The following FRY variants were observed in gnomAD, a reference collection of about 807,000 sequenced individuals.
FRY encodes protein furry homolog.
FRY carries 128 observed loss-of-function variants against 348.4 expected under a neutral mutation model. That is an observed-to-expected ratio of 0.37 (90% CI 0.32 to 0.43). FRY has a LOEUF of 0.43. Ranked by LOEUF, FRY falls within the 20% of genes least tolerant of loss-of-function variation. FRY has a pLI of 1.00. For synonymous variants in FRY, 1,370 were observed against 1,374.7 expected, an observed-to-expected ratio of 1.00 and a Z score of 0.08; for missense variants, 2,736 against 3,695.2, an observed-to-expected ratio of 0.74 and a Z score of 6.73.
intron 13 of FRY, among the ~76,000 whole-genome samples, chr13:32,148,309 C>T (rs2138833268): frequency 1.3e-5 from 2 of 152,126 alleles, no homozygotes; most frequent in South Asian, 4.2e-4. Flanking sequence ...GTCTGGCGTT[C>T]AGAGAAAACC....
At chr13:32,184,856 A>G in intron 25 of FRY, 120 bp from the exon 26 acceptor site, 5 of 1,041,262 alleles carry the variant, frequency 4.8e-6, no homozygotes, top group Non-Finnish European at 6.0e-6. Context: ...TTTACACTGC[A>G]TATAGGTTAG....
At chr13:32,162,594 C>T (rs536110846) in intron 17 of FRY, among the ~76,000 whole-genome samples, 24 of 152,266 alleles carry the variant, frequency 1.6e-4, no homozygotes, top group East Asian at 5.8e-4. Flanking sequence ...CAGCCACTCC[C>T]TTCCTCCTTC....
intron 41 of FRY, 63 bp downstream of exon 41, chr13:32,231,363 A>G (rs1290979419): frequency 3.9e-6 from 6 of 1,541,646 alleles, no homozygotes; most frequent in African/African-American, 2.7e-5. Flanking sequence ...CACTGTCTCT[A>G]TATGATGATT....
chr13:32,055,014 G>A (rs75044184), intron 1 of FRY, among the ~76,000 whole-genome samples: 4,629 of 152,224 alleles, frequency 0.03, 80 homozygotes, highest in Non-Finnish European at 0.038. Flanking sequence ...TTACCAGCTA[G>A]AGAGCTCTGT....
chr13:32,161,753 C>T, intron 17 of FRY, among the ~76,000 whole-genome samples: 1 of 152,202 alleles, frequency 6.6e-6, no homozygotes. Flanking sequence ...GACAAGAATG[C>T]AGGTCGTGGA....
rs745528224 is a variant in FRY, at chr13:32,274,968, A to G, written c.8263A>G (p.Thr2755Ala). 5.0e-6 allele frequency: 8 copies of G among 1,613,844 alleles called. No individual in the cohort carries two copies. The South Asian group carries it at 6.6e-5, about 13-fold the overall frequency. ...GCTCACCTCCTGCTCTGAATGTCCT[A>G]CACTTTTTGTGGATGCCGAGACTGT... ...QMLTSCSECP[T>A]LFVDAETLLS... The change falls in exon 56 of 61, where the codon ACA becomes GCA. Residue 2755 changes from threonine to alanine, a missense_variant. Around this residue, in one of 9 missense-constraint regions of FRY, gnomAD observed 789 missense variants for 996.2 expected, o/e 0.79. Transcript: ENST00000542859.
At chr13:32,179,343 A>ACTG (rs1384905036) in intron 22 of FRY, among the ~76,000 whole-genome samples, 1 of 152,162 alleles carries the variant, frequency 6.6e-6, no homozygotes, top group African/African-American at 2.4e-5. Context: ...TTCACTCCTC[A>ACTG]CTGAGTATTC....
intron 22 of FRY, among the ~76,000 whole-genome samples, chr13:32,179,262 C>A (rs1882550919): frequency 6.6e-6 from 1 of 152,052 alleles, no homozygotes; most frequent in Non-Finnish European, 1.5e-5. Context: ...CTGCTTAAGA[C>A]CATAGAGTGA....
chr13:32,228,918 A>T, intron 40 of FRY, among the ~76,000 whole-genome samples: 1 of 152,336 alleles, frequency 6.6e-6, no homozygotes, highest in African/African-American at 2.4e-5. Flanking sequence ...GATAATGATG[A>T]TGCAGCAGAT....
intron 1 of FRY, among the ~76,000 whole-genome samples, chr13:32,063,858 G>T (rs1204074178): frequency 6.6e-6 from 1 of 152,186 alleles, no homozygotes; most frequent in African/African-American, 2.4e-5. Flanking sequence ...TGCAGAAAGA[G>T]CTCTTCTGGT....
At chr13:32,032,012 T>TCTTC in intron 1 of FRY, 147 bp downstream of exon 1, 1 of 620,448 alleles carries the variant, frequency 1.6e-6, no homozygotes, top group Non-Finnish European at 2.8e-6. Context: ...TTTCTTTCTT[T>TCTTC]CTTTCTTTCT....
chr13:32,169,292 G>A (rs978322850), intron 17 of FRY, among the ~76,000 whole-genome samples: 9 of 152,144 alleles, frequency 5.9e-5, no homozygotes, highest in African/African-American at 1.7e-4. Flanking sequence ...TTTCTCAAGC[G>A]TGAATCTAAT....
At chr13:32,202,322 C>T in intron 30 of FRY, 34 bp from the exon 31 acceptor site, 4 of 1,541,392 alleles carry the variant, frequency 2.6e-6, no homozygotes, top group Admixed American at 1.7e-5. Flanking sequence ...TAATGCTTTT[C>T]ATACTACTTT....
intron 49 of FRY, among the ~76,000 whole-genome samples, chr13:32,250,701 G>C (rs1470207733): frequency 6.6e-6 from 1 of 152,178 alleles, no homozygotes; most frequent in Admixed American, 6.5e-5. Flanking sequence ...AGGTGAAGTG[G>C]GTGCTGGGAA....
At chr13:32,057,934 T>C (rs71436462) in intron 1 of FRY, among the ~76,000 whole-genome samples, 420 of 151,222 alleles carry the variant, frequency 2.8e-3, no homozygotes, top group Non-Finnish European at 4.4e-3. Flanking sequence ...TACTCCAGCC[T>C]GGGCAACAGA....
At chr13:32,293,823 A>T (rs558098404) in intron 59 of FRY, among the ~76,000 whole-genome samples, 2 of 152,342 alleles carry the variant, frequency 1.3e-5, no homozygotes, top group South Asian at 4.1e-4. Flanking sequence ...AAAACTTATT[A>T]TTAGGACAGC....
At chr13:32,046,592 C>T (rs1477595835) in intron 1 of FRY, among the ~76,000 whole-genome samples, 1 of 152,140 alleles carries the variant, frequency 6.6e-6, no homozygotes, top group East Asian at 1.9e-4. Flanking sequence ...TCACTGAATC[C>T]TGCTGCAGAG....
chr13:32,174,286 C>A (rs1882254793), intron 19 of FRY, among the ~76,000 whole-genome samples: 1 of 152,138 alleles, frequency 6.6e-6, no homozygotes, highest in African/African-American at 2.4e-5. Context: ...AAAATATTTT[C>A]AACTTCACAG....
At chr13:32,071,937 G>C (rs754818426) in intron 1 of FRY, among the ~76,000 whole-genome samples, 24 of 151,946 alleles carry the variant, frequency 1.6e-4, no homozygotes, top group Admixed American at 3.9e-4. Context: ...AAAAATAAAA[G>C]ACAGGGCGAT....
Sources: gnomAD v4.1 joint callset for allele counts (sites outside exome capture counted in the v4.1 genomes callset) on GRCh38, gnomAD v4.1.1 for gene constraint, gnomAD v4.1.1 regional missense constraint, MANE v1.5 for transcripts, NCBI Gene and HGNC (gene_info 2026-07-23, HGNC 2026-07-21) for gene names.